The following DCX variants were observed in gnomAD, a reference collection of about 807,000 sequenced individuals.
The protein encoded by DCX is neuronal migration protein doublecortin.
Under a neutral mutation model 20.9 loss-of-function variants are expected in DCX, and 4 were observed. That is an observed-to-expected ratio of 0.19 (90% CI 0.09 to 0.44). The LOEUF (loss-of-function observed/expected upper bound fraction) is 0.44, where lower values mean the gene tolerates loss of function less well. Among genes scored for constraint, DCX ranks in the 20% least tolerant of loss-of-function variants. DCX has a pLI of 0.99. For synonymous variants in DCX, 103 were observed against 111.4 expected (o/e 0.92, Z 0.47); for missense variants, 133 against 296.9 (o/e 0.45, Z 4.06).
In DCX at chrX:111,350,090, G is replaced by GGC. The variant is rs1215869753; in HGVS notation, c.706-16939_706-16938dup. On this transcript the variant is annotated intron_variant, in intron 3 of 6. Coordinates refer to ENST00000636035, the MANE Select transcript of DCX (RefSeq NM_001195553.2). ...TCAAGGAATGCCCAGCAACCTCTCA[G>GGC]GCAGGGTGCCTGGAAATAGATAGCC... Among the ~76,000 whole-genome samples, 20 of 111,732 alleles carry GGC rather than the reference G, an allele frequency of 1.8e-4. No homozygotes were observed. The Admixed American group carries it at 1.8e-3, about 10-fold the overall frequency.
At chrX:111,338,205 C>T (rs771586132) in intron 3 of DCX, among the ~76,000 whole-genome samples, 1 of 112,167 alleles carries the variant, frequency 8.9e-6, no homozygotes, top group African/African-American at 3.2e-5. Flanking sequence ...CCTAGACTCA[C>T]CTGCCAACCT....
At chrX:111,387,647 CT>C (rs1452630143) in intron 3 of DCX, among the ~76,000 whole-genome samples, 1 of 111,846 alleles carries the variant, frequency 8.9e-6, no homozygotes, top group African/African-American at 3.2e-5. Flanking sequence ...CAGAGGGAGG[CT>C]TTTTATCAAG....
At chrX:111,403,207 T>A (rs1002506322) in intron 2 of DCX, among the ~76,000 whole-genome samples, 2 of 111,882 alleles carry the variant, frequency 1.8e-5, no homozygotes, top group Non-Finnish European at 3.8e-5. Context: ...TTGCAGGAGG[T>A]CACTGCCTTT....
At chrX:111,379,796 C>A (rs992051882) in intron 3 of DCX, among the ~76,000 whole-genome samples, 1 of 111,687 alleles carries the variant, frequency 9.0e-6, no homozygotes, top group Non-Finnish European at 1.9e-5. Flanking sequence ...GTGGCTGCAC[C>A]ATTTTATATT....
chrX:111,322,260 C>T (rs768750086), intron 5 of DCX, among the ~76,000 whole-genome samples: 8 of 111,363 alleles, frequency 7.2e-5, no homozygotes, highest in South Asian at 7.7e-4. Flanking sequence ...GTATGGCTTG[C>T]GTAAATGGTA....
At chrX:111,410,883 G>A (rs368665228) in intron 1 of DCX, 138 of 1,209,057 alleles carry the variant, frequency 1.1e-4, no homozygotes, top group Non-Finnish European at 1.5e-4. Flanking sequence ...CCCTTGAAGA[G>A]AACAGAAGGA....
chrX:111,320,780 G>A (rs1031361885), intron 5 of DCX, among the ~76,000 whole-genome samples: 3 of 109,228 alleles, frequency 2.7e-5, no homozygotes. Context: ...ACTCTTTATT[G>A]AGTGTCTATG....
intron 3 of DCX, among the ~76,000 whole-genome samples, chrX:111,390,970 C>A (rs926648978): frequency 9.9e-6 from 1 of 101,238 alleles, no homozygotes; most frequent in Non-Finnish European, 2.0e-5. Context: ...CATGCCACTG[C>A]ATTCCAGTCT....
In DCX at chrX:111,301,631, C is replaced by G; in HGVS notation, c.*56G>C. 1 of 1,127,530 alleles carries G rather than the reference C, an allele frequency of 8.9e-7. No individual in the cohort carries two copies. Among genetic ancestry groups the G allele is most frequent in the Admixed American group, 2.2e-5 (1 of 45,927 alleles). 92.9% of individuals were successfully genotyped at this position (1,127,530 alleles called of 1,213,427 possible). A position where few individuals can be genotyped will look rare whatever the true frequency, so the allele number is the denominator to read the frequency against. On this transcript the variant is annotated 3_prime_UTR_variant, in exon 7 of 7. Transcript: ENST00000636035. ...TGTTGGACACTTGAGCAGAAGTACC[C>G]TACTACAATGATAGGCTTGGATTTG...
chrX:111,356,932 T>C (rs1034107749), intron 3 of DCX, among the ~76,000 whole-genome samples: 5 of 111,655 alleles, frequency 4.5e-5, no homozygotes, highest in African/African-American at 1.6e-4. Flanking sequence ...AAAATACACA[T>C]AAATAAAAAG....
At chrX:111,395,315 T>C (rs1298059113) in intron 3 of DCX, among the ~76,000 whole-genome samples, 1 of 112,214 alleles carries the variant, frequency 8.9e-6, no homozygotes, top group East Asian at 2.8e-4. Context: ...TTCCACTTGC[T>C]GAATGCTAGA....
At chrX:111,383,447 C>T (rs1339630979) in intron 3 of DCX, among the ~76,000 whole-genome samples, 8 of 111,843 alleles carry the variant, frequency 7.2e-5, no homozygotes, top group African/African-American at 9.7e-5. Context: ...AAAGTTTTAT[C>T]CATTGTCCTA....
chrX:111,338,302 G>T (rs1193940906), intron 3 of DCX, among the ~76,000 whole-genome samples: 1 of 111,805 alleles, frequency 8.9e-6, no homozygotes, highest in Non-Finnish European at 1.9e-5. Context: ...GGAGTGGCCA[G>T]AGTGGTAAAG....
intron 5 of DCX, among the ~76,000 whole-genome samples, chrX:111,320,030 C>G: frequency 8.9e-6 from 1 of 112,529 alleles, no homozygotes; most frequent in South Asian, 3.7e-4. Flanking sequence ...ATTCAACAAG[C>G]ATTTTGGAAA....
At position 111,410,297 on chromosome X, in the gene DCX, G is replaced by A; in HGVS notation, c.102C>T (p.His34=). The A allele has an allele frequency of 1.7e-6, 2 of 1,211,540 alleles. No individual in the cohort carries two copies. Among genetic ancestry groups the A allele is most frequent in the Non-Finnish European group, 1.1e-6 (1 of 895,533 alleles). ...NGLPSPTHSA[H]CSFYRTRTLQ... ...AGGTTCTGGTTCGGTAGAAGCTACA[G>A]TGGGCGCTGTGAGTGGGGCTAGGCA... The change falls in exon 2 of 7, where the codon CAC becomes CAT. Residue 34 remains histidine, a synonymous_variant. Coordinates refer to ENST00000636035, the MANE Select transcript of DCX (RefSeq NM_001195553.2).
chrX:111,359,742 T>A (rs1286311425), intron 3 of DCX, among the ~76,000 whole-genome samples: 1 of 112,011 alleles, frequency 8.9e-6, no homozygotes, highest in Non-Finnish European at 1.9e-5. Flanking sequence ...AATTTGAACA[T>A]GCTGAAAATT....
At chrX:111,401,416 G>A in intron 2 of DCX, 86 bp from the exon 3 acceptor site, 1 of 858,313 alleles carries the variant, frequency 1.2e-6, no homozygotes, top group Non-Finnish European at 1.7e-6. Flanking sequence ...ACTGACACTG[G>A]AGTAGAACTT....
chrX:111,344,438 G>A (rs1922599765), intron 3 of DCX, among the ~76,000 whole-genome samples: 2 of 111,576 alleles, frequency 1.8e-5, no homozygotes, highest in South Asian at 7.6e-4. Flanking sequence ...AGGAAGAGAG[G>A]AAGTAAAATT....
At position 111,410,093 on chromosome X, in the gene DCX, A is replaced by G. The variant is rs772189954; in HGVS notation, c.306T>C (p.Arg102=). ...SDNINLPQGV[R]YIYTIDGSRK... is the part of the protein sequence containing the mutation. ...TGGATCCATCAATGGTGTAAATGTA[A>G]CGCACTCCCTGAGGCAGGTTGATGT... The change falls in exon 2 of 7, where the codon CGT becomes CGC. Residue 102 remains arginine, a synonymous_variant. Transcript: ENST00000636035. 2.5e-5 allele frequency: 30 copies of G among 1,209,974 alleles called. No homozygotes were observed. The highest frequency in any genetic ancestry group is 3.4e-5 in the Non-Finnish European group (30 of 895,255).
Sources: gnomAD v4.1 joint callset for allele counts (sites outside exome capture counted in the v4.1 genomes callset) on GRCh38, gnomAD v4.1.1 for gene constraint, MANE v1.5 for transcripts, NCBI Gene and HGNC (gene_info 2026-07-23, HGNC 2026-07-21) for gene names.